Variants in SCHIP1 observed in about 807,000 individuals in gnomAD.
SCHIP1 encodes schwannomin-interacting protein 1.
Under a neutral mutation model 29.7 loss-of-function variants are expected in SCHIP1, and 8 were observed. The ratio of observed to expected loss-of-function variants is 0.27; its 90% CI spans 0.16 to 0.49. The LOEUF (loss-of-function observed/expected upper bound fraction) is 0.49, where lower values mean the gene tolerates loss of function less well. Ranked by LOEUF, SCHIP1 falls within the 20% of genes least tolerant of loss-of-function variation. The pLI, the probability that SCHIP1 is intolerant of heterozygous loss-of-function variation, is 0.99. For missense variants in SCHIP1, 193 were observed against 294.6 expected, an observed-to-expected ratio of 0.66 and a Z score of 2.52; for synonymous variants, 76 against 94.9, an observed-to-expected ratio of 0.80 and a Z score of 1.16.
chr3:159,764,665 G>A, the SCHIP1 span: 2 of 1,592,868 alleles, frequency 1.3e-6, no homozygotes, highest in Non-Finnish European at 1.7e-6. This position sits in a 1 kb window ranked among gnomAD's most constrained non-coding sequence, Gnocchi z 6.1. Flanking sequence ...GGCGCCGGAG[G>A]AGGACGGGGA....
the SCHIP1 span, among the ~76,000 whole-genome samples, chr3:159,816,032 T>C: frequency 6.6e-6 from 1 of 151,958 alleles, no homozygotes; most frequent in Non-Finnish European, 1.5e-5. Flanking sequence ...CACTGCAATC[T>C]CTGCCTCCCA....
At chr3:159,811,986 T>G in the SCHIP1 span, among the ~76,000 whole-genome samples, 17 of 151,384 alleles carry the variant, frequency 1.1e-4, no homozygotes, top group African/African-American at 3.1e-4. Flanking sequence ...TTTTGTTTTT[T>G]TTTTTGGCAG....
At chr3:159,658,020 G>A in the SCHIP1 span, among the ~76,000 whole-genome samples, 2 of 152,236 alleles carry the variant, frequency 1.3e-5, no homozygotes, top group African/African-American at 4.8e-5. Context: ...TCCAGGAGTG[G>A]TGCCTAGCCC....
chr3:159,389,010 G>T, the SCHIP1 span, among the ~76,000 whole-genome samples: 4 of 151,866 alleles, frequency 2.6e-5, no homozygotes, highest in Non-Finnish European at 5.9e-5. Flanking sequence ...ATACAATCCT[G>T]GACCCAAGAA....
At chr3:159,827,298 T>C in the SCHIP1 span, among the ~76,000 whole-genome samples, 1 of 152,168 alleles carries the variant, frequency 6.6e-6, no homozygotes, top group South Asian at 2.1e-4. Context: ...CGAAATTTCA[T>C]TATAACTAAT....
At chr3:159,465,771 T>G in the SCHIP1 span, among the ~76,000 whole-genome samples, 4 of 152,334 alleles carry the variant, frequency 2.6e-5, no homozygotes, top group Admixed American at 1.3e-4. Context: ...CAAAGGATAA[T>G]CACTTTTGGC....
At chr3:159,790,233 T>A in the SCHIP1 span, among the ~76,000 whole-genome samples, 1 of 152,226 alleles carries the variant, frequency 6.6e-6, no homozygotes, top group Admixed American at 6.5e-5. Context: ...TTTTAGTGAA[T>A]CATTAAAATG....
chr3:159,704,896 C>CTTTCTTTA, the SCHIP1 span, among the ~76,000 whole-genome samples: 107 of 74,170 alleles, frequency 1.4e-3, no homozygotes, highest in Non-Finnish European at 1.9e-3. Flanking sequence ...TTCTTTCTTT[C>CTTTCTTTA]TTTCTTTCTT....
the SCHIP1 span, among the ~76,000 whole-genome samples, chr3:159,295,266 A>AC: frequency 3.3e-3 from 478 of 146,346 alleles, 5 homozygotes; most frequent in African/African-American, 0.011. Flanking sequence ...AAAAAAAAAA[A>AC]AAAAAAAAAA....
chr3:159,352,048 G>A, the SCHIP1 span, among the ~76,000 whole-genome samples: 1 of 152,148 alleles, frequency 6.6e-6, no homozygotes, highest in Non-Finnish European at 1.5e-5. Flanking sequence ...AATAAAAGGT[G>A]TTTTTTTGTA....
At chr3:159,328,661 A>G in the SCHIP1 span, among the ~76,000 whole-genome samples, 3 of 152,114 alleles carry the variant, frequency 2.0e-5, no homozygotes, top group Non-Finnish European at 4.4e-5. Flanking sequence ...GCCTGGCTGG[A>G]GTGTGCTGCC....
chr3:159,327,866 G>T, the SCHIP1 span, among the ~76,000 whole-genome samples: 1 of 152,156 alleles, frequency 6.6e-6, no homozygotes, highest in South Asian at 2.1e-4. Flanking sequence ...TGTTCTTCAA[G>T]CCAGGCCTGG....
chr3:159,574,218 T>C, the SCHIP1 span, among the ~76,000 whole-genome samples: 5 of 152,248 alleles, frequency 3.3e-5, no homozygotes, highest in Non-Finnish European at 7.3e-5. Flanking sequence ...TTTCAGCTTT[T>C]CTGCTCTGAT....
chr3:159,445,575 C>G, the SCHIP1 span, among the ~76,000 whole-genome samples: 4 of 152,090 alleles, frequency 2.6e-5, no homozygotes, highest in African/African-American at 9.7e-5. Context: ...GACACATGTA[C>G]ACGTATGTTT....
the SCHIP1 span, among the ~76,000 whole-genome samples, chr3:159,737,836 G>T: frequency 6.6e-6 from 1 of 152,292 alleles, no homozygotes; most frequent in East Asian, 1.9e-4. Flanking sequence ...ATGGGTGCTC[G>T]GTGGGAGAGA....
chr3:159,821,302 G>A, the SCHIP1 span, among the ~76,000 whole-genome samples: 13 of 152,242 alleles, frequency 8.5e-5, no homozygotes. Context: ...AAGGAGTTTT[G>A]TGGTTGTCTA....
the SCHIP1 span, among the ~76,000 whole-genome samples, chr3:159,568,397 G>A: frequency 6.6e-6 from 1 of 151,984 alleles, no homozygotes; most frequent in Non-Finnish European, 1.5e-5. Context: ...TCACCATTAT[G>A]TATGTACTAT....
the SCHIP1 span, among the ~76,000 whole-genome samples, chr3:159,709,451 G>A: frequency 6.6e-6 from 1 of 151,836 alleles, no homozygotes; most frequent in South Asian, 2.1e-4. Context: ...AATAAAAAAA[G>A]GAAAAAAAGG....
At chr3:159,326,746 A>G in the SCHIP1 span, among the ~76,000 whole-genome samples, 1 of 152,180 alleles carries the variant, frequency 6.6e-6, no homozygotes, top group South Asian at 2.1e-4. Flanking sequence ...CAAGGAGGAA[A>G]GTGATGTGCC....
Sources: allele counts gnomAD v4.1 joint callset (sites outside exome capture counted in the v4.1 genomes callset), GRCh38; gene constraint gnomAD v4.1.1; non-coding constraint Gnocchi (gnomAD v3.1); transcripts MANE v1.5; gene names NCBI Gene and HGNC (gene_info 2026-07-23, HGNC 2026-07-21).